The following SPMAP2L variants were observed in gnomAD, a reference collection of about 807,000 sequenced individuals.
The protein encoded by SPMAP2L is sperm microtubule associated protein 2-like.
chr4:56,593,001 A>C, the SPMAP2L span: 1 of 1,601,266 alleles, frequency 6.2e-7, no homozygotes, highest in African/African-American at 1.3e-5. Context: ...TGTGAAAATG[A>C]AATCCTTGCA....
chr4:56,611,451 T>C, the SPMAP2L span, among the ~76,000 whole-genome samples: 5 of 152,098 alleles, frequency 3.3e-5, no homozygotes, highest in Admixed American at 2.6e-4. Flanking sequence ...GGGTGAGGGA[T>C]AAAAGACTAC....
chr4:56,539,205 T>C, the SPMAP2L span, among the ~76,000 whole-genome samples: 1 of 152,198 alleles, frequency 6.6e-6, no homozygotes, highest in African/African-American at 2.4e-5. Flanking sequence ...CTGAACTTTA[T>C]TGAGCGCATA....
the SPMAP2L span, among the ~76,000 whole-genome samples, chr4:56,568,650 A>AC: frequency 6.6e-6 from 1 of 152,112 alleles, no homozygotes; most frequent in African/African-American, 2.4e-5. Flanking sequence ...AAATAGTGAG[A>AC]CCCCATCTCT....
chr4:56,594,164 G>A, the SPMAP2L span: 2 of 1,612,538 alleles, frequency 1.2e-6, no homozygotes, highest in East Asian at 2.2e-5. Context: ...AAGCATGGGA[G>A]AGGAGTGCAG....
the SPMAP2L span, among the ~76,000 whole-genome samples, chr4:56,614,721 A>T: frequency 1.3e-5 from 2 of 152,196 alleles, no homozygotes; most frequent in African/African-American, 2.4e-5. Flanking sequence ...AATGGATGAA[A>T]CACTTCTGAG....
At chr4:56,546,924 T>C in the SPMAP2L span, among the ~76,000 whole-genome samples, 1 of 152,218 alleles carries the variant, frequency 6.6e-6, no homozygotes, top group Non-Finnish European at 1.5e-5. Flanking sequence ...ACAGAAAATA[T>C]CTGAATTTAA....
chr4:56,559,595 T>C, the SPMAP2L span: 1 of 1,354,078 alleles, frequency 7.4e-7, no homozygotes. Flanking sequence ...TGAGACAGAG[T>C]CTCACACTGT....
At chr4:56,593,203 GGT>G in the SPMAP2L span, 2 of 1,435,542 alleles carry the variant, frequency 1.4e-6, no homozygotes, top group Non-Finnish European at 2.0e-6. Flanking sequence ...ACCAGACCAT[GGT>G]GTGTGACATC....
At chr4:56,566,889 G>A in the SPMAP2L span, among the ~76,000 whole-genome samples, 1 of 151,428 alleles carries the variant, frequency 6.6e-6, no homozygotes, top group Non-Finnish European at 1.5e-5. Context: ...TAGAGACAGG[G>A]TTTCAGCGTG....
the SPMAP2L span, among the ~76,000 whole-genome samples, chr4:56,551,511 G>A: frequency 1.3e-5 from 2 of 151,050 alleles, no homozygotes; most frequent in African/African-American, 4.9e-5. Context: ...ATTCGGGGGT[G>A]TCAGGGATTC....
At chr4:56,580,704 G>T in the SPMAP2L span, among the ~76,000 whole-genome samples, 3 of 151,878 alleles carry the variant, frequency 2.0e-5, no homozygotes, top group African/African-American at 7.3e-5. Context: ...ACCATCTCAA[G>T]TCAGAAATGA....
the SPMAP2L span, among the ~76,000 whole-genome samples, chr4:56,605,720 A>G: frequency 2.6e-5 from 4 of 151,950 alleles, no homozygotes; most frequent in South Asian, 8.3e-4. Flanking sequence ...GGCCTGGGTA[A>G]ACAGATCCTC....
chr4:56,538,630 C>A, the SPMAP2L span, among the ~76,000 whole-genome samples: 3 of 152,130 alleles, frequency 2.0e-5, no homozygotes, highest in African/African-American at 7.2e-5. Context: ...TGGTGAAACC[C>A]CAGCTCTACT....
the SPMAP2L span, among the ~76,000 whole-genome samples, chr4:56,626,184 C>T: frequency 1.3e-5 from 2 of 152,290 alleles, no homozygotes; most frequent in African/African-American, 4.8e-5. Flanking sequence ...CCATGGGTGA[C>T]TGGGATGAGA....
the SPMAP2L span, among the ~76,000 whole-genome samples, chr4:56,533,581 G>T: frequency 2.0e-5 from 3 of 151,886 alleles, no homozygotes; most frequent in Non-Finnish European, 4.4e-5. Context: ...TAAGCTCTTT[G>T]CTCCTAAAAT....
chr4:56,544,316 T>G, the SPMAP2L span, among the ~76,000 whole-genome samples: 1 of 152,184 alleles, frequency 6.6e-6, no homozygotes, highest in East Asian at 1.9e-4. Flanking sequence ...CCCAGTTCTT[T>G]GTTGAGAAAA....
At chr4:56,568,497 T>G in the SPMAP2L span, among the ~76,000 whole-genome samples, 1 of 152,178 alleles carries the variant, frequency 6.6e-6, no homozygotes, top group Non-Finnish European at 1.5e-5. Flanking sequence ...AGCTTTATTG[T>G]GATTAATTCA....
At chr4:56,596,207 G>A in the SPMAP2L span, among the ~76,000 whole-genome samples, 1 of 152,006 alleles carries the variant, frequency 6.6e-6, no homozygotes, top group African/African-American at 2.4e-5. Flanking sequence ...CTCTTTTTCT[G>A]TGTGAGGTTT....
At chr4:56,555,641 G>A in the SPMAP2L span, among the ~76,000 whole-genome samples, 1 of 151,986 alleles carries the variant, frequency 6.6e-6, no homozygotes, top group South Asian at 2.1e-4. Flanking sequence ...TTTCATTAGA[G>A]TTTTGTAGTT....
Sources: allele counts gnomAD v4.1 joint callset (sites outside exome capture counted in the v4.1 genomes callset), GRCh38; gene constraint gnomAD v4.1.1; transcripts MANE v1.5; gene names NCBI Gene and HGNC (gene_info 2026-07-23, HGNC 2026-07-21).